Variants in XPO7 observed in about 807,000 individuals in gnomAD.
The protein encoded by XPO7 is exportin-7.
Under a neutral mutation model 144.3 loss-of-function variants are expected in XPO7, and 21 were observed. The observed-to-expected ratio is 0.15, with a 90% CI of 0.10 to 0.21. The LOEUF is 0.21. Ranked by LOEUF, XPO7 falls within the 10% of genes least tolerant of loss-of-function variation. The pLI is 1.00. For synonymous variants in XPO7, 580 were observed against 499.6 expected (o/e 1.16, Z -2.15); for missense variants, 808 against 1,325.8 (o/e 0.61, Z 6.06).
intron 21 of XPO7, among the ~76,000 whole-genome samples, chr8:21,996,966 G>C (rs34180791): frequency 6.6e-6 from 1 of 151,714 alleles, no homozygotes; most frequent in South Asian, 2.1e-4. Context: ...GCGCCACCAC[G>C]CCCGGCTAAT....
chr8:21,991,779 G>C, intron 18 of XPO7, 89 bp from the exon 19 acceptor site: 1 of 1,009,588 alleles, frequency 9.9e-7, no homozygotes, highest in South Asian at 2.1e-5. Context: ...GTTCCCCTGG[G>C]TTTGCTCCTC....
At chr8:21,976,697 A>G (rs1812235206) in intron 7 of XPO7, among the ~76,000 whole-genome samples, 176 bp downstream of exon 7, 1 of 152,206 alleles carries the variant, frequency 6.6e-6, no homozygotes, top group African/African-American at 2.4e-5. Context: ...TCTGTCACCC[A>G]GGCTGGAGTG....
At chr8:21,978,832 T>G (rs1000717744) in intron 8 of XPO7, among the ~76,000 whole-genome samples, 3 of 152,146 alleles carry the variant, frequency 2.0e-5, no homozygotes, top group African/African-American at 7.2e-5. Context: ...GGAAGAGGGG[T>G]ACCCTGTTCC....
chr8:21,919,701 C>T lies in XPO7; in HGVS notation c.-70C>T. The T allele has an allele frequency of 5.0e-6, 1 of 201,684 alleles. No individual in the cohort carries two copies. Among genetic ancestry groups the T allele is most frequent in the Non-Finnish European group, 1.0e-5 (1 of 98,838 alleles). 12.5% of individuals were successfully genotyped at this position (201,684 alleles called of 1,614,324 possible). ...GCGGCGACGGCGTCGGCGGCGGCGG[C>T]GGCAGCGGCTCCGGCCGAGGTGCGC... On this transcript the variant is annotated 5_prime_UTR_variant, in exon 1 of 28. Coordinates refer to ENST00000252512, the MANE Select transcript of XPO7 (RefSeq NM_015024.5).
Position 22,005,835 on chromosome 8 carries a change from GTGTT to G in XPO7, c.*750_*753del, listed in dbSNP as rs1187987732. On this transcript the variant is annotated 3_prime_UTR_variant, in exon 28 of 28. Transcript: ENST00000252512. ...CAGTGATAAATAACTCCAGCTAAAA[GTGTT>G]TGGTGTTCTTATCTCCACCCTCTTT... is the stretch of plus-strand genomic sequence containing the variant. The G allele has an allele frequency of 6.6e-6, 1 of 152,194 alleles. No individual in the cohort carries two copies. The highest frequency in any genetic ancestry group is 1.5e-5 in the Non-Finnish European group (1 of 68,052). 9.4% of individuals were successfully genotyped at this position (152,194 alleles called of 1,614,324 possible). A position where few individuals can be genotyped will look rare whatever the true frequency, so the allele number is the denominator to read the frequency against.
rs1401212023 is a variant in XPO7 at position 21,977,751 on chromosome 8, T to C, written c.764-19T>C. ...TTCATACTTAATAAAGTGATGTCTT[T>C]TGTCTTTTTCTTCCCCAGCCTTCTT... On this transcript the variant is annotated intron_variant, in intron 7 of 27. Transcript: ENST00000252512. The C allele has an allele frequency of 6.2e-7, 1 of 1,613,130 alleles. No homozygotes were observed.
intron 1 of XPO7, among the ~76,000 whole-genome samples, chr8:21,951,712 T>G (rs552406726): frequency 3.9e-5 from 6 of 152,244 alleles, no homozygotes; most frequent in African/African-American, 1.4e-4. Flanking sequence ...GTAGGTGTGT[T>G]GTCAACTGTT....
intron 16 of XPO7, among the ~76,000 whole-genome samples, chr8:21,989,671 C>T (rs1046016572): frequency 3.9e-5 from 6 of 152,132 alleles, no homozygotes; most frequent in Admixed American, 3.9e-4. Flanking sequence ...TCATTATACA[C>T]AATATATGCC....
chr8:21,920,791 A>G (rs1041911969), intron 1 of XPO7, among the ~76,000 whole-genome samples: 11 of 152,206 alleles, frequency 7.2e-5, no homozygotes, highest in South Asian at 2.1e-4. Context: ...TAGGTAACCA[A>G]GTGCACAGGT....
chr8:21,932,920 G>A (rs1810700198), intron 1 of XPO7, among the ~76,000 whole-genome samples: 1 of 151,986 alleles, frequency 6.6e-6, no homozygotes, highest in Non-Finnish European at 1.5e-5. Context: ...ATTGACCTCT[G>A]TTTAATATTT....
At chr8:21,938,648 C>T (rs1325512176) in intron 1 of XPO7, among the ~76,000 whole-genome samples, 1 of 152,116 alleles carries the variant, frequency 6.6e-6, no homozygotes, top group Non-Finnish European at 1.5e-5. Flanking sequence ...CTACTTGACA[C>T]TAGTACACCC....
At position 21,987,283 on chromosome 8, in the gene XPO7, G is replaced by T. The variant is rs757441277; in HGVS notation, c.1713+7G>T. Reference sequence around the variant, plus strand: ...AGTGCAGAAATCCTCTAAGGTAACAGCCTCTCAATTGGCTCCCCTTAGTTC... The same window carrying T: ...AGTGCAGAAATCCTCTAAGGTAACATCCTCTCAATTGGCTCCCCTTAGTTC... On this transcript the variant is annotated splice_region_variant and intron_variant, in intron 14 of 27. Coordinates refer to ENST00000252512, the MANE Select transcript of XPO7 (RefSeq NM_015024.5). 4 of 1,613,986 alleles carry T rather than the reference G, an allele frequency of 2.5e-6. No homozygotes were observed. The highest frequency in any genetic ancestry group is 1.1e-5 in the South Asian group (1 of 91,086).
At chr8:21,992,052 A>G (rs1812790000) in intron 19 of XPO7, 78 bp downstream of exon 19, 4 of 1,123,826 alleles carry the variant, frequency 3.6e-6, no homozygotes, top group African/African-American at 1.6e-5. Flanking sequence ...GCTTGACTGT[A>G]AACTATCCAC....
chr8:21,920,417 C>G (rs1020534908), intron 1 of XPO7, among the ~76,000 whole-genome samples: 1 of 152,124 alleles, frequency 6.6e-6, no homozygotes, highest in Non-Finnish European at 1.5e-5. Flanking sequence ...AGGCCTCGGC[C>G]CGCCTCCCCT....
At chr8:21,931,193 C>CG (rs1277727497) in intron 1 of XPO7, among the ~76,000 whole-genome samples, 1 of 150,852 alleles carries the variant, frequency 6.6e-6, no homozygotes, top group Non-Finnish European at 1.5e-5. Flanking sequence ...GACAGAGTCT[C>CG]GCTCTGTTGA....
chr8:21,943,665 G>A (rs1811066831), intron 1 of XPO7, among the ~76,000 whole-genome samples: 2 of 152,150 alleles, frequency 1.3e-5, no homozygotes. Context: ...AGTGAGGGTA[G>A]GGCTAAGGTG....
Position 21,999,682 on chromosome 8 carries a change from C to T in XPO7, c.2782+8C>T. ...AAGGACTTACTGCACTTGGTAAGCACCTGAGGTGGGTGGGTGAGTTGGTGG... is the reference window on the plus strand; with the variant it reads ...AAGGACTTACTGCACTTGGTAAGCATCTGAGGTGGGTGGGTGAGTTGGTGG... On this transcript the variant is annotated splice_region_variant and intron_variant, in intron 24 of 27. Transcript: ENST00000252512. 6.2e-7 allele frequency: 1 copy of T among 1,613,912 alleles called. No homozygotes were observed. The highest frequency in any genetic ancestry group is 8.5e-7 in the Non-Finnish European group (1 of 1,179,842).
chr8:21,971,281 C>T (rs1424116119), intron 4 of XPO7, among the ~76,000 whole-genome samples: 1 of 152,138 alleles, frequency 6.6e-6, no homozygotes, highest in East Asian at 1.9e-4. Flanking sequence ...TAGAACGTGT[C>T]GCCATCATTC....
intron 1 of XPO7, among the ~76,000 whole-genome samples, chr8:21,947,643 C>A (rs772217828): frequency 3.9e-5 from 6 of 152,058 alleles, no homozygotes; most frequent in African/African-American, 1.4e-4. Flanking sequence ...ATGTTTATGA[C>A]TTTAGGATAG....
Sources: allele counts gnomAD v4.1 joint callset (sites outside exome capture counted in the v4.1 genomes callset), GRCh38; gene constraint gnomAD v4.1.1; transcripts MANE v1.5; gene names NCBI Gene and HGNC (gene_info 2026-07-23, HGNC 2026-07-21).